Variants in GRIA1 observed in about 807,000 individuals in gnomAD.
GRIA1 encodes the protein glutamate ionotropic receptor AMPA type subunit 1.
GRIA1 carries 31 observed loss-of-function variants against 99.2 expected under a neutral mutation model. The ratio of observed to expected loss-of-function variants is 0.31; its 90% CI spans 0.23 to 0.42. The LOEUF is 0.42. Among genes scored for constraint, GRIA1 ranks in the 10% least tolerant of loss-of-function variants. The pLI is 1.00. For missense variants in GRIA1, 782 were observed against 1,157.5 expected (o/e 0.68, Z 4.71); for synonymous variants, 438 against 432.4 (o/e 1.01, Z -0.16).
At chr5:153,670,216 C>T (rs1345779279) in intron 5 of GRIA1, among the ~76,000 whole-genome samples, 1 of 152,154 alleles carries the variant, frequency 6.6e-6, no homozygotes, top group Non-Finnish European at 1.5e-5. Flanking sequence ...TGAAATGCTA[C>T]ATAGGTGCAG....
At chr5:153,610,691 T>C (rs1202119802) in intron 2 of GRIA1, among the ~76,000 whole-genome samples, 4 of 152,254 alleles carry the variant, frequency 2.6e-5, no homozygotes, top group Admixed American at 6.5e-5. Context: ...CTAATTTCTC[T>C]ATGTTGCAAT....
chr5:153,548,575 A>G (rs1759821486), intron 2 of GRIA1, among the ~76,000 whole-genome samples: 1 of 152,170 alleles, frequency 6.6e-6, no homozygotes, highest in African/African-American at 2.4e-5. Context: ...TACAAAACTA[A>G]CTTCAGGACT....
chr5:153,567,499 G>A (rs1378512180), intron 2 of GRIA1, among the ~76,000 whole-genome samples: 1 of 152,214 alleles, frequency 6.6e-6, no homozygotes, highest in Non-Finnish European at 1.5e-5. Flanking sequence ...ACAGCTGCCT[G>A]TGTAAGGATA....
chr5:153,723,784 C>T (rs1453431817), intron 11 of GRIA1, among the ~76,000 whole-genome samples: 1 of 151,686 alleles, frequency 6.6e-6, no homozygotes, highest in African/African-American at 2.4e-5. Flanking sequence ...AGGAGGCCTG[C>T]CTGCCTCTGT....
At chr5:153,635,597 A>G (rs943970797) in intron 2 of GRIA1, among the ~76,000 whole-genome samples, 1 of 152,026 alleles carries the variant, frequency 6.6e-6, no homozygotes, top group African/African-American at 2.4e-5. Flanking sequence ...TGGCCCCTGA[A>G]CCTAACCCAA....
In GRIA1 at chr5:153,642,653, AAAG is replaced by A. The variant is rs1753857026; in HGVS notation, c.221-4264_221-4262del. Among the ~76,000 whole-genome samples the A allele has an allele frequency of 1.1e-4, 16 of 150,736 alleles. 1 individual carries two copies. Among genetic ancestry groups the A allele is most frequent in the Admixed American group, 5.3e-4 (8 of 15,182 alleles). On this transcript the variant is annotated intron_variant, in intron 2 of 15. Coordinates refer to ENST00000285900, the MANE Select transcript of GRIA1 (RefSeq NM_000827.4). ...CCTGTTTCAGAAAAAAAAAAAAAAC[AAAG>A]AAGAAGAAGAGGAAGAAAGAGAACA...
intron 12 of GRIA1, among the ~76,000 whole-genome samples, chr5:153,766,789 C>A (rs1378810823): frequency 1.3e-5 from 2 of 152,206 alleles, no homozygotes; most frequent in African/African-American, 2.4e-5. Context: ...AGAAAATGGT[C>A]ATGCCCTACC....
chr5:153,610,159 G>A (rs1203600572), intron 2 of GRIA1, among the ~76,000 whole-genome samples: 2 of 152,142 alleles, frequency 1.3e-5, no homozygotes, highest in Non-Finnish European at 2.9e-5. Flanking sequence ...GTGAGACCAG[G>A]ACAGTGTTGA....
intron 13 of GRIA1, among the ~76,000 whole-genome samples, chr5:153,775,014 G>C (rs982084366): frequency 2.0e-5 from 3 of 152,184 alleles, no homozygotes; most frequent in African/African-American, 7.2e-5. Context: ...GAGAGGGGCT[G>C]TTATGTTTCA....
chr5:153,647,135 A>G lies in GRIA1; in HGVS notation c.428A>G (p.Gln143Arg). The G allele has an allele frequency of 6.2e-7, 1 of 1,613,916 alleles. No individual in the cohort carries two copies. The highest frequency in any genetic ancestry group is 8.5e-7 in the Non-Finnish European group (1 of 1,179,872). Reference sequence around the variant, plus strand: ...AGCATCATTGACCATTACAAGTGGCAGAAATTTGTCTACATTTATGATGCC... The same window carrying G: ...AGCATCATTGACCATTACAAGTGGCGGAAATTTGTCTACATTTATGATGCC... ...LISIIDHYKWQKFVYIYDADR... is the reference protein window; with the variant it reads ...LISIIDHYKWRKFVYIYDADR... The change falls in exon 3 of 16, where the codon CAG becomes CGG. Residue 143 changes from glutamine to arginine, a missense_variant. Gln to Arg is a conservative substitution (Grantham distance 43, BLOSUM62 1). Coordinates refer to ENST00000285900, the MANE Select transcript of GRIA1 (RefSeq NM_000827.4).
At chr5:153,527,192 C>T (rs1757678811) in intron 2 of GRIA1, among the ~76,000 whole-genome samples, 1 of 152,134 alleles carries the variant, frequency 6.6e-6, no homozygotes, top group Non-Finnish European at 1.5e-5. Context: ...TTCAAAATCC[C>T]TAAAGTCTAA....
chr5:153,737,688 C>T (rs4403231), intron 11 of GRIA1, among the ~76,000 whole-genome samples: 56,444 of 151,934 alleles, frequency 0.37, 11,553 homozygotes, highest in East Asian at 0.93. Context: ...AAAAAGTGTC[C>T]GTATTTTCAG....
At chr5:153,669,608 T>C (rs945527791) in intron 5 of GRIA1, among the ~76,000 whole-genome samples, 3 of 152,192 alleles carry the variant, frequency 2.0e-5, no homozygotes, top group African/African-American at 7.2e-5. Flanking sequence ...ATTTTTATTT[T>C]TTAATAGTAT....
intron 7 of GRIA1, among the ~76,000 whole-genome samples, chr5:153,683,728 C>T (rs1347737303): frequency 6.6e-6 from 1 of 152,188 alleles, no homozygotes; most frequent in Non-Finnish European, 1.5e-5. Context: ...ATAACTTTTA[C>T]CCACTCTACA....
Position 153,701,619 on chromosome 5 carries a change from C to CAAAAAAAAAAAAAAAAAAAAAAAAA in GRIA1, c.1452+2569_1452+2570insAAAAAAAAAAAAAAAAAAAAAAAAA, listed in dbSNP as rs70978504. Among the ~76,000 whole-genome samples the CAAAAAAAAAAAAAAAAAAAAAAAAA allele has an allele frequency of 5.6e-3, 221 of 39,396 alleles. 45 individuals carry two copies. The highest frequency in any genetic ancestry group is 1.0e-2 in the South Asian group (5 of 502). 25.8% of individuals were successfully genotyped at this position (39,396 alleles called of 152,430 possible). On this transcript the variant is annotated intron_variant, in intron 10 of 15. Coordinates refer to ENST00000285900, the MANE Select transcript of GRIA1 (RefSeq NM_000827.4). ...CTGGGCGACAAAGCGAGACCCGTCTCAAAAAAAAAAAAAAAAAAAAAAATA... is the reference window on the plus strand; with the variant it reads ...CTGGGCGACAAAGCGAGACCCGTCTCAAAAAAAAAAAAAAAAAAAAAAAAAAAAAAAAAAAAAAAAAAAAAAAATA...
intron 13 of GRIA1, among the ~76,000 whole-genome samples, chr5:153,781,515 A>G (rs1764627425): frequency 6.6e-6 from 1 of 152,168 alleles, no homozygotes; most frequent in Admixed American, 6.5e-5. Context: ...CAGAGAATCT[A>G]GCAGAGAATT....
At chr5:153,535,203 T>C (rs761714903) in intron 2 of GRIA1, among the ~76,000 whole-genome samples, 1 of 152,320 alleles carries the variant, frequency 6.6e-6, no homozygotes, top group Admixed American at 6.5e-5. Flanking sequence ...ATTGCAGGCA[T>C]GAGCCACCGC....
At chr5:153,514,155 GC>G (rs1386970374) in intron 2 of GRIA1, among the ~76,000 whole-genome samples, 3 of 152,170 alleles carry the variant, frequency 2.0e-5, no homozygotes, top group African/African-American at 7.2e-5. Context: ...GTAAAACTGT[GC>G]CTTTCTGCAA....
At chr5:153,519,694 C>T (rs146567192) in intron 2 of GRIA1, among the ~76,000 whole-genome samples, 1 of 152,194 alleles carries the variant, frequency 6.6e-6, no homozygotes, top group East Asian at 1.9e-4. Context: ...ATGCTTCAAC[C>T]AGCAAAGGAA....
Sources: allele counts gnomAD v4.1 joint callset (sites outside exome capture counted in the v4.1 genomes callset), GRCh38; gene constraint gnomAD v4.1.1; transcripts MANE v1.5; gene names NCBI Gene and HGNC (gene_info 2026-07-23, HGNC 2026-07-21).